ZSCAN26: variants seen among roughly 807,000 people sequenced by gnomAD.
ZSCAN26 encodes zinc finger and SCAN domain-containing protein 26.
Under a neutral mutation model 23.0 loss-of-function variants are expected in ZSCAN26, and 26 were observed. The observed-to-expected ratio is 1.13, with a 90% CI of 0.83 to 1.57. The LOEUF is 1.57. ZSCAN26 is among the 40% of genes most tolerant of loss of function. ZSCAN26 has a pLI of 0.00. For missense variants in ZSCAN26, 528 were observed against 568.5 expected (o/e 0.93, Z 0.72); for synonymous variants, 180 against 202.5 (o/e 0.89, Z 0.94).
At chr6:28,271,594 G>A (rs752152331) in intron 1 of ZSCAN26, among the ~76,000 whole-genome samples, 1 of 152,116 alleles carries the variant, frequency 6.6e-6, no homozygotes, top group Non-Finnish European at 1.5e-5. Context: ...CTCCCAAAGT[G>A]CTGAGATGAC....
Position 28,276,638 on chromosome 6 carries a change from G to C in ZSCAN26, c.982G>C (p.Glu328Gln). 6.2e-7 allele frequency: 1 copy of C among 1,611,410 alleles called. No homozygotes were observed. Among genetic ancestry groups the C allele is most frequent in the Non-Finnish European group, 8.5e-7 (1 of 1,178,684 alleles). Residue 328 changes from glutamate (E) to glutamine (Q), a missense_variant, in exon 4 of 4, where the codon GAA (glutamate) becomes CAA (glutamine). Coordinates refer to ENST00000421553, the MANE Select transcript of ZSCAN26 (RefSeq NM_001023560.4). ...CTTTAGCCAGAATGCAGGCCTTTTG[G>C]AACATCTCAGAATTCATACTGGAGA... Reference protein sequence around the residue: ...KVFSQNAGLLEHLRIHTGEKP... With the variant: ...KVFSQNAGLLQHLRIHTGEKP...
chr6:28,276,619 C>G lies in ZSCAN26; in HGVS notation c.963C>G (p.Ser321Arg). ...YQCNECGKVF[S>R]QNAGLLEHLR... ...GCAATGAGTGTGGCAAAGTCTTTAG[C>G]CAGAATGCAGGCCTTTTGGAACATC... The change falls in exon 4 of 4, where the codon AGC becomes AGG. Residue 321 changes from serine to arginine, a missense_variant. Coordinates refer to ENST00000421553, the MANE Select transcript of ZSCAN26 (RefSeq NM_001023560.4). 1.2e-6 allele frequency: 2 copies of G among 1,611,976 alleles called. No homozygotes were observed. Among genetic ancestry groups the G allele is most frequent in the South Asian group, 2.2e-5 (2 of 90,584 alleles).
intron 3 of ZSCAN26, among the ~76,000 whole-genome samples, chr6:28,274,883 T>G (rs1761871717): frequency 6.6e-6 from 1 of 152,246 alleles, no homozygotes; most frequent in African/African-American, 2.4e-5. Context: ...TATATGTGAT[T>G]ATGTCATTAC....
intron 1 of ZSCAN26, among the ~76,000 whole-genome samples, chr6:28,271,583 C>T (rs1761686392): frequency 6.6e-6 from 1 of 152,124 alleles, no homozygotes; most frequent in Non-Finnish European, 1.5e-5. Flanking sequence ...CCCACCTCAG[C>T]CTCCCAAAGT....
intron 2 of ZSCAN26, 48 bp downstream of exon 2, chr6:28,272,387 C>G: frequency 6.8e-7 from 1 of 1,463,444 alleles, no homozygotes; most frequent in Non-Finnish European, 9.1e-7. Context: ...ATTGAGATCT[C>G]TGGCCAGACA....
Position 28,277,347 on chromosome 6 carries a change from A to G in ZSCAN26, c.*251A>G, listed in dbSNP as rs1441518535. 8.0e-6 allele frequency: 4 copies of G among 497,736 alleles called. No homozygotes were observed. Among genetic ancestry groups the G allele is most frequent in the African/African-American group, 3.8e-5 (2 of 52,124 alleles). The allele number at this position is 497,736 out of a possible 1,614,324, so 30.8% of individuals were successfully genotyped here. ...ACTGCAGGACATCTCAGAGCATGTA[A>G]CATAACTGCATGATTATATACTCTA... On this transcript the variant is annotated 3_prime_UTR_variant, in exon 4 of 4. Transcript: ENST00000421553.
chr6:28,270,626 C>T (rs1761642138), intron 1 of ZSCAN26, among the ~76,000 whole-genome samples: 1 of 152,222 alleles, frequency 6.6e-6, no homozygotes, highest in Admixed American at 6.5e-5. Context: ...AGCATAAGGA[C>T]AGTAATTGAA....
chr6:28,276,877 C>G lies in ZSCAN26; in HGVS notation c.1221C>G (p.Thr407=). 1 of 1,613,950 alleles carries G rather than the reference C, an allele frequency of 6.2e-7. No homozygotes were observed. The highest frequency in any genetic ancestry group is 8.5e-7 in the Non-Finnish European group (1 of 1,179,862). ...CNECGKAFSL[T]SDLIRHHRIH... is the part of the protein sequence containing the mutation. ...AGTGTGGAAAAGCTTTCAGTTTGACCTCAGACCTTATTCGACACCACAGAA... is the reference window on the plus strand; with the variant it reads ...AGTGTGGAAAAGCTTTCAGTTTGACGTCAGACCTTATTCGACACCACAGAA... The change falls in exon 4 of 4, where the codon ACC becomes ACG. Residue 407 remains threonine, a synonymous_variant. Coordinates refer to ENST00000421553, the MANE Select transcript of ZSCAN26 (RefSeq NM_001023560.4).
At position 28,276,812 on chromosome 6, in the gene ZSCAN26, C is replaced by T. The variant is rs1334503478; in HGVS notation, c.1156C>T (p.Gln386Ter). 1 of 1,613,934 alleles carries T rather than the reference C, an allele frequency of 6.2e-7. No individual in the cohort carries two copies. The highest frequency in any genetic ancestry group is 8.5e-7 in the Non-Finnish European group (1 of 1,179,892). The change falls in exon 4 of 4, where the codon CAG (glutamine) becomes TAG (stop). Residue 386 changes from glutamine (Q) to a stop codon, truncating the protein, a stop_gained. Transcript: ENST00000421553. LOFTEE classifies it low-confidence loss of function (END_TRUNC). ...TCAGGCCTTACTCCTCACCCACCATCAGAGAATCCATAGTCACTCCAAAAG... is the reference window on the plus strand; with the variant it reads ...TCAGGCCTTACTCCTCACCCACCATTAGAGAATCCATAGTCACTCCAAAAG... ...FSQALLLTHHQRIHSHSKSHQ... is the reference protein window; with the variant it reads ...FSQALLLTHH
intron 3 of ZSCAN26, among the ~76,000 whole-genome samples, chr6:28,273,716 C>CT (rs1159610564): frequency 7.4e-6 from 1 of 134,720 alleles, no homozygotes; most frequent in Admixed American, 7.4e-5. Context: ...TCTATACTTT[C>CT]TTTTTTGTTG....
At chr6:28,269,123 A>C (rs928742555) in intron 1 of ZSCAN26, among the ~76,000 whole-genome samples, 28 of 152,126 alleles carry the variant, frequency 1.8e-4, no homozygotes, top group African/African-American at 6.7e-4. Flanking sequence ...AAAGAAAAAA[A>C]AAAAACACAT....
intron 1 of ZSCAN26, among the ~76,000 whole-genome samples, chr6:28,271,511 A>G (rs1029741695): frequency 5.9e-5 from 9 of 151,968 alleles, no homozygotes; most frequent in African/African-American, 2.2e-4. Flanking sequence ...GGCATGTGCC[A>G]CCATGCCTGG....
chr6:28,272,823 T>A (rs1288090469), intron 3 of ZSCAN26, 36 bp downstream of exon 3: 1 of 1,549,274 alleles, frequency 6.5e-7, no homozygotes, highest in Admixed American at 1.7e-5. Flanking sequence ...GTGTGAGACG[T>A]GGTGGACTGT....
At chr6:28,272,543 C>A in intron 2 of ZSCAN26, 127 bp from the exon 3 acceptor site, 1 of 1,013,734 alleles carries the variant, frequency 9.9e-7, no homozygotes, top group Non-Finnish European at 1.4e-6. Context: ...GATTCCCCAT[C>A]TTCTTTTCTT....
At chr6:28,272,994 C>A (rs1026609124) in intron 3 of ZSCAN26, among the ~76,000 whole-genome samples, 3 of 152,192 alleles carry the variant, frequency 2.0e-5, no homozygotes, top group South Asian at 4.1e-4. Flanking sequence ...GTGGTCTAAT[C>A]AGGACCACTA....
In ZSCAN26 at chr6:28,272,758, G is replaced by A; in HGVS notation, c.509G>A (p.Cys170Tyr). ...CAGGAACAGCAGGTTCGGCATGAGT[G>A]TGAAGTTACAAAGCCTGAGAAAGAG... ...GVQEQQVRHE[C>Y]EVTKPEKEKG... Residue 170 changes from cysteine to tyrosine, a missense_variant, in exon 3 of 4, where the codon TGT (cysteine) becomes TAT (tyrosine). Transcript: ENST00000421553. 6.2e-7 allele frequency: 1 copy of A among 1,613,430 alleles called. No homozygotes were observed. Among genetic ancestry groups the A allele is most frequent in the East Asian group, 2.2e-5 (1 of 44,872 alleles).
intron 3 of ZSCAN26, among the ~76,000 whole-genome samples, chr6:28,273,009 G>A (rs758338633): frequency 3.9e-5 from 6 of 152,204 alleles, no homozygotes; most frequent in Non-Finnish European, 8.8e-5. Context: ...CCACTATCAA[G>A]AGATAAGAGA....
intron 1 of ZSCAN26, among the ~76,000 whole-genome samples, chr6:28,268,592 G>A (rs1468762036): frequency 2.0e-5 from 3 of 152,056 alleles, no homozygotes; most frequent in African/African-American, 7.2e-5. Context: ...GAAGACAATG[G>A]CAAAGGGGAT....
Position 28,277,215 on chromosome 6 carries a change from G to T in ZSCAN26, c.*119G>T, listed in dbSNP as rs1581620832. 3.0e-6 allele frequency: 3 copies of T among 988,886 alleles called. No individual in the cohort carries two copies. The highest frequency in any genetic ancestry group is 4.5e-6 in the Non-Finnish European group (3 of 672,124). The allele number at this position is 988,886 out of a possible 1,614,324, so 61.3% of individuals were successfully genotyped here. A position where few individuals can be genotyped will look rare whatever the true frequency, so the allele number is the denominator to read the frequency against. On this transcript the variant is annotated 3_prime_UTR_variant, in exon 4 of 4. Coordinates refer to ENST00000421553, the MANE Select transcript of ZSCAN26 (RefSeq NM_001023560.4). ...AAAATTCTTGGGGGCTGAGTTGGAG[G>T]CTCCCTGCCTCTATTCTCTCTCCTT...
Sources: allele counts gnomAD v4.1 joint callset (sites outside exome capture counted in the v4.1 genomes callset), GRCh38; gene constraint gnomAD v4.1.1; transcripts MANE v1.5; gene names NCBI Gene and HGNC (gene_info 2026-07-23, HGNC 2026-07-21).